The following TET1 variants were observed in gnomAD, a reference collection of about 807,000 sequenced individuals.
TET1 encodes methylcytosine dioxygenase TET1.
A neutral mutation model predicts 148.7 loss-of-function variants in TET1; 13 were observed. The observed-to-expected ratio is 0.09, with a 90% CI of 0.06 to 0.14. The LOEUF (loss-of-function observed/expected upper bound fraction) is 0.14. TET1 is among the 10% of genes least tolerant of loss of function. TET1 has a pLI of 1.00. For synonymous variants in TET1, 907 were observed against 937.2 expected (o/e 0.97, Z 0.59); for missense variants, 2,182 against 2,553.8 (o/e 0.85, Z 3.14).
At chr10:68,626,231 T>C (rs755289009) in intron 3 of TET1, among the ~76,000 whole-genome samples, 16 of 152,044 alleles carry the variant, frequency 1.1e-4, no homozygotes, top group East Asian at 1.9e-4. Flanking sequence ...GTCTCTCTCT[T>C]TTTCTCTTTA....
intron 11 of TET1, among the ~76,000 whole-genome samples, chr10:68,687,290 C>G (rs1015730331): frequency 6.6e-6 from 1 of 152,070 alleles, no homozygotes; most frequent in Non-Finnish European, 1.5e-5. Flanking sequence ...CTTGGCACGC[C>G]TTGGCTTAAG....
chr10:68,602,820 A>G (rs1465556361), intron 3 of TET1, among the ~76,000 whole-genome samples: 2 of 152,214 alleles, frequency 1.3e-5, no homozygotes, highest in Non-Finnish European at 2.9e-5. Flanking sequence ...AAGGAAAAAA[A>G]ATTTCTGATG....
At chr10:68,583,919 C>T (rs940492570) in intron 2 of TET1, among the ~76,000 whole-genome samples, 1 of 151,878 alleles carries the variant, frequency 6.6e-6, no homozygotes, top group African/African-American at 2.4e-5. Context: ...AAAAAAAAGA[C>T]ATGCTTATAT....
chr10:68,594,592 A>G (rs2053956891), intron 2 of TET1, among the ~76,000 whole-genome samples: 1 of 152,092 alleles, frequency 6.6e-6, no homozygotes, highest in South Asian at 2.1e-4. Flanking sequence ...CATCCGGACT[A>G]TTACTCCACC....
At chr10:68,654,790 G>C (rs2054998046) in intron 6 of TET1, among the ~76,000 whole-genome samples, 1 of 152,140 alleles carries the variant, frequency 6.6e-6, no homozygotes, top group African/African-American at 2.4e-5. Flanking sequence ...CAGTTTTTGT[G>C]GGTTAGGAAT....
At chr10:68,690,499 T>C (rs1384846072) in intron 11 of TET1, among the ~76,000 whole-genome samples, 1 of 152,030 alleles carries the variant, frequency 6.6e-6, no homozygotes, top group Non-Finnish European at 1.5e-5. Context: ...TCCCAGCTAC[T>C]CGGGAGGTTG....
At chr10:68,600,675 G>T (rs1235099262) in intron 2 of TET1, among the ~76,000 whole-genome samples, 1 of 152,148 alleles carries the variant, frequency 6.6e-6, no homozygotes, top group Non-Finnish European at 1.5e-5. Context: ...CACTGTAGAG[G>T]CTTCCTCTGC....
chr10:68,648,643 A>AT (rs956192672), intron 4 of TET1, among the ~76,000 whole-genome samples: 121 of 152,320 alleles, frequency 7.9e-4, no homozygotes, highest in African/African-American at 2.8e-3. Flanking sequence ...TATCACACTG[A>AT]TTTTTTAACA....
At chr10:68,647,298 C>T (rs933401187) in intron 4 of TET1, among the ~76,000 whole-genome samples, 1 of 152,052 alleles carries the variant, frequency 6.6e-6, no homozygotes. Flanking sequence ...ATTTATCGTG[C>T]GTAGCATAAG....
At chr10:68,569,044 T>G (rs1459910765) in intron 1 of TET1, among the ~76,000 whole-genome samples, 4 of 152,088 alleles carry the variant, frequency 2.6e-5, no homozygotes, top group African/African-American at 9.7e-5. Flanking sequence ...TGTAACCTAA[T>G]TTGTCAATAC....
chr10:68,669,252 CAA>C (rs61048539), intron 7 of TET1, among the ~76,000 whole-genome samples: 9 of 149,262 alleles, frequency 6.0e-5, no homozygotes, highest in African/African-American at 2.0e-4. Flanking sequence ...CCACCCCCCA[CAA>C]AAAAAAAACA....
Position 68,690,824 on chromosome 10 carries a change from C to CGTGCAA in TET1, c.5422_5427dup (p.Val1808_Gln1809dup). On this transcript the variant is annotated inframe_insertion, in exon 12 of 12. Transcript: ENST00000373644. ...CTTGTTTAGGGAGTAACACTGAGAC[C>CGTGCAA]GTGCAACCTGAAGTAAAAAGTGAAA... The CGTGCAA allele has an allele frequency of 6.2e-7, 1 of 1,605,884 alleles. No individual in the cohort carries two copies. The highest frequency in any genetic ancestry group is 1.1e-5 in the South Asian group (1 of 90,316).
intron 2 of TET1, among the ~76,000 whole-genome samples, chr10:68,595,213 A>T (rs1453006103): frequency 6.6e-6 from 1 of 151,806 alleles, no homozygotes; most frequent in Non-Finnish European, 1.5e-5. Flanking sequence ...TTAAATTTTT[A>T]AAAAGTTTTT....
chr10:68,676,264 ATATATTTTTTTT>A (rs1382616768), intron 8 of TET1, among the ~76,000 whole-genome samples: 3 of 15,412 alleles, frequency 1.9e-4, no homozygotes, highest in African/African-American at 6.7e-4. Context: ...ATATATATAT[ATATATTTTTTTT>A]TTTTTTTTTT....
chr10:68,660,267 G>A (rs1008601587), intron 6 of TET1, among the ~76,000 whole-genome samples: 20 of 151,698 alleles, frequency 1.3e-4, no homozygotes, highest in Admixed American at 1.1e-3. Flanking sequence ...ATAATTTACA[G>A]CTTGGATACT....
chr10:68,669,236 C>T (rs1328955436), intron 7 of TET1, among the ~76,000 whole-genome samples: 2 of 82,732 alleles, frequency 2.4e-5, no homozygotes, highest in East Asian at 9.1e-4. Context: ...TCAAGTCTTC[C>T]CCTCACCACC....
chr10:68,671,157 C>T (rs2055267418), intron 7 of TET1, among the ~76,000 whole-genome samples: 1 of 152,132 alleles, frequency 6.6e-6, no homozygotes, highest in Admixed American at 6.5e-5. Context: ...AGCTACTAAG[C>T]TAGTATCCAA....
At chr10:68,597,238 T>C (rs1334018792) in intron 2 of TET1, among the ~76,000 whole-genome samples, 7 of 151,854 alleles carry the variant, frequency 4.6e-5, no homozygotes, top group Non-Finnish European at 1.5e-5. Context: ...TTCATCATAT[T>C]GGCCAGGCTG....
intron 1 of TET1, among the ~76,000 whole-genome samples, chr10:68,570,015 G>T (rs1182233726): frequency 6.6e-6 from 1 of 152,084 alleles, no homozygotes; most frequent in African/African-American, 2.4e-5. Context: ...GTGCAGGTTT[G>T]TTACATGGGC....
Sources: gnomAD v4.1 joint callset for allele counts (sites outside exome capture counted in the v4.1 genomes callset) on GRCh38, gnomAD v4.1.1 for gene constraint, MANE v1.5 for transcripts, NCBI Gene and HGNC (gene_info 2026-07-23, HGNC 2026-07-21) for gene names.